The following NAALAD2 variants were observed in gnomAD, a reference collection of about 807,000 sequenced individuals.
NAALAD2 encodes N-acetylated-alpha-linked acidic dipeptidase 2.
NAALAD2 carries 89 observed loss-of-function variants against 95.6 expected under a neutral mutation model. The observed-to-expected ratio is 0.93, with a 90% CI of 0.78 to 1.11. NAALAD2 has a LOEUF of 1.11. NAALAD2 is among the 50% of genes least tolerant of loss of function. The pLI is 0.00. For synonymous variants in NAALAD2, 264 were observed against 294.4 expected, an observed-to-expected ratio of 0.90 and a Z score of 1.06; for missense variants, 894 against 872.4, an observed-to-expected ratio of 1.02 and a Z score of -0.31.
intron 1 of NAALAD2, 84 bp downstream of exon 1, chr11:90,134,924 G>T: frequency 1.3e-6 from 2 of 1,494,902 alleles, no homozygotes; most frequent in Non-Finnish European, 9.3e-7. Flanking sequence ...AGCTGGAAGG[G>T]ATTGGGCTGT....
upstream of NAALAD2, chr11:90,132,075 G>A (rs1415839511): frequency 6.6e-6 from 1 of 152,520 alleles, no homozygotes; most frequent in Non-Finnish European, 1.5e-5. Context: ...AATTAACATA[G>A]AATTTTGAAT....
At chr11:90,177,098 A>G (rs1426792983) in intron 15 of NAALAD2, among the ~76,000 whole-genome samples, 1 of 152,184 alleles carries the variant, frequency 6.6e-6, no homozygotes, top group East Asian at 1.9e-4. Flanking sequence ...ATAGCCATAC[A>G]AGGTGGCAAA....
intron 2 of NAALAD2, among the ~76,000 whole-genome samples, chr11:90,140,111 A>G (rs1951569333): frequency 6.6e-6 from 1 of 152,242 alleles, no homozygotes; most frequent in South Asian, 2.1e-4. Flanking sequence ...TGGAGAAACA[A>G]ACTGTTCAGG....
At chr11:90,136,869 C>T (rs957866623) in intron 2 of NAALAD2, among the ~76,000 whole-genome samples, 1 of 152,116 alleles carries the variant, frequency 6.6e-6, no homozygotes, top group Non-Finnish European at 1.5e-5. Flanking sequence ...TTTTGCATTT[C>T]TACCTCAAAA....
chr11:90,170,583 A>G (rs2134949776), intron 13 of NAALAD2, among the ~76,000 whole-genome samples: 1 of 152,344 alleles, frequency 6.6e-6, no homozygotes, highest in Non-Finnish European at 1.5e-5. Context: ...AGACTTTGTA[A>G]TCTAGAGAGG....
chr11:90,150,308 G>C (rs1440428113), intron 4 of NAALAD2, among the ~76,000 whole-genome samples, 174 bp from the exon 5 acceptor site: 1 of 151,912 alleles, frequency 6.6e-6, no homozygotes, highest in Non-Finnish European at 1.5e-5. Flanking sequence ...AAACTTTTCA[G>C]GATTTTAAAA....
At chr11:90,188,363 A>C (rs1857223749) in intron 18 of NAALAD2, among the ~76,000 whole-genome samples, 1 of 152,230 alleles carries the variant, frequency 6.6e-6, no homozygotes, top group African/African-American at 2.4e-5. Context: ...ATTCAGAAGT[A>C]TAACTAAATG....
At position 90,152,417 on chromosome 11, in the gene NAALAD2, C is replaced by T. The variant is rs1378294446; in HGVS notation, c.729C>T (p.Ala243=). 6.2e-7 allele frequency: 1 copy of T among 1,613,758 alleles called. No homozygotes were observed. Among genetic ancestry groups the T allele is most frequent in the Non-Finnish European group, 8.5e-7 (1 of 1,179,844 alleles). ...PKGWNLPGTA[A]QRGNVLNLNG... is the part of the protein sequence containing the mutation. The stretch of plus-strand genomic sequence containing the variant: ...GATGGAATCTTCCTGGAACTGCAGC[C>T]CAGAGAGGAAATGTGTTAAATTTGA... Residue 243 remains alanine (A), a synonymous_variant, in exon 6 of 19, where the codon GCC becomes GCT. Transcript: ENST00000534061.
intron 6 of NAALAD2, among the ~76,000 whole-genome samples, chr11:90,155,929 A>G (rs78740307): frequency 0.058 from 8,307 of 144,096 alleles, 815 homozygotes; most frequent in African/African-American, 0.2. Flanking sequence ...TATGTAATGT[A>G]TATGTGATCT....
At chr11:90,163,108 A>G in intron 9 of NAALAD2, 74 bp downstream of exon 9, 1 of 1,265,890 alleles carries the variant, frequency 7.9e-7, no homozygotes, top group East Asian at 2.4e-5. Flanking sequence ...ATTGTAGTCA[A>G]CAATTGAAGT....
At chr11:90,156,208 A>G (rs1019592197) in intron 6 of NAALAD2, among the ~76,000 whole-genome samples, 8 of 151,594 alleles carry the variant, frequency 5.3e-5, no homozygotes, top group African/African-American at 1.9e-4. Flanking sequence ...TATCTTTACT[A>G]TTATTTTTGT....
intron 2 of NAALAD2, among the ~76,000 whole-genome samples, chr11:90,145,626 GA>G (rs747758633): frequency 1.3e-5 from 2 of 152,094 alleles, no homozygotes; most frequent in African/African-American, 2.4e-5. Flanking sequence ...TTCTGATATA[GA>G]GAAAGACATC....
chr11:90,154,862 T>C (rs917883061), intron 6 of NAALAD2, among the ~76,000 whole-genome samples: 2 of 138,098 alleles, frequency 1.4e-5, no homozygotes, highest in African/African-American at 2.7e-5. Flanking sequence ...ATAATATGTA[T>C]ATATTATATA....
chr11:90,159,693 T>A (rs2134905533), intron 8 of NAALAD2, among the ~76,000 whole-genome samples: 1 of 152,192 alleles, frequency 6.6e-6, no homozygotes, highest in African/African-American at 2.4e-5. Context: ...GGCTCACACC[T>A]GGAATCCCAG....
intron 18 of NAALAD2, 54 bp downstream of exon 18, chr11:90,183,062 A>C (rs989214696): frequency 1.5e-6 from 2 of 1,357,890 alleles, no homozygotes; most frequent in Admixed American, 3.4e-5. Flanking sequence ...CAGCATACCT[A>C]AAGTTGGCTT....
At chr11:90,170,194 G>A (rs1205164931) in intron 13 of NAALAD2, 58 bp downstream of exon 13, 7 of 1,016,852 alleles carry the variant, frequency 6.9e-6, no homozygotes, top group Non-Finnish European at 1.1e-5. Context: ...TGAATAACGT[G>A]TGTTCCCCCC....
At chr11:90,134,421 G>C (rs925022371), upstream of NAALAD2, 1 of 251,448 alleles carries the variant, frequency 4.0e-6, no homozygotes, top group Non-Finnish European at 7.7e-6. Flanking sequence ...CATTTTGGGG[G>C]ATGGGCATGG....
At chr11:90,176,628 G>A (rs1952800605) in intron 15 of NAALAD2, among the ~76,000 whole-genome samples, 1 of 152,102 alleles carries the variant, frequency 6.6e-6, no homozygotes, top group South Asian at 2.1e-4. Context: ...TGATATGCAG[G>A]TACTTGGATA....
At chr11:90,179,128 A>C (rs1021531521) in intron 16 of NAALAD2, among the ~76,000 whole-genome samples, 1 of 152,238 alleles carries the variant, frequency 6.6e-6, no homozygotes, top group African/African-American at 2.4e-5. Flanking sequence ...TCAGTTTGGT[A>C]ATATATAGAA....
Sources: allele counts gnomAD v4.1 joint callset (sites outside exome capture counted in the v4.1 genomes callset), GRCh38; gene constraint gnomAD v4.1.1; transcripts MANE v1.5; gene names NCBI Gene and HGNC (gene_info 2026-07-23, HGNC 2026-07-21).